The following RAB27B variants were observed in gnomAD, a reference collection of about 807,000 sequenced individuals.
The protein encoded by RAB27B is RAB27B, member RAS oncogene family.
Under a neutral mutation model 24.6 loss-of-function variants are expected in RAB27B, and 15 were observed. The observed-to-expected ratio is 0.61, with a 90% CI of 0.41 to 0.94. RAB27B has a LOEUF of 0.94. Ranked by LOEUF, RAB27B falls within the 40% of genes least tolerant of loss-of-function variation. The pLI is 0.00. For synonymous variants in RAB27B, 105 were observed against 92.5 expected, an observed-to-expected ratio of 1.14 and a Z score of -0.78; for missense variants, 261 against 266.8, an observed-to-expected ratio of 0.98 and a Z score of 0.15.
At chr18:54,810,622 G>A (rs1022281445) in intron 2 of RAB27B, among the ~76,000 whole-genome samples, 10 of 152,040 alleles carry the variant, frequency 6.6e-5, no homozygotes, top group African/African-American at 2.2e-4. Context: ...TTGAGATCAG[G>A]AGTTCAAGAC....
Position 54,846,678 on chromosome 18 carries a change from T to C in RAB27B, c.-20+17978T>C, listed in dbSNP as rs367738305. ...CCAAAAAAGAAGGCAATGAATATCA[T>C]AAGCTTTTCTTATAAGGCTAAAGCA... On this transcript the variant is annotated intron_variant, in intron 1 of 5. Transcript: ENST00000262094. Among the ~76,000 whole-genome samples, 22 of 152,344 alleles carry C rather than the reference T, an allele frequency of 1.4e-4. 1 individual carries two copies. The East Asian group carries it at 3.9e-3, about 27-fold the overall frequency.
chr18:54,834,528 C>T (rs529603624), intron 1 of RAB27B, among the ~76,000 whole-genome samples: 1 of 152,186 alleles, frequency 6.6e-6, no homozygotes, highest in South Asian at 2.1e-4. Flanking sequence ...TTGATGTTTA[C>T]TTCCTTCCTT....
chr18:54,805,202 G>C (rs904014206), intron 2 of RAB27B, among the ~76,000 whole-genome samples: 1 of 152,050 alleles, frequency 6.6e-6, no homozygotes, highest in East Asian at 1.9e-4. Flanking sequence ...AGCTCTGGTT[G>C]GCATCACAGA....
intron 2 of RAB27B, among the ~76,000 whole-genome samples, chr18:54,721,221 T>A (rs2144971320): frequency 6.6e-6 from 1 of 152,294 alleles, no homozygotes; most frequent in East Asian, 1.9e-4. Context: ...ATACGCAATG[T>A]GTTCATACAT....
intron 2 of RAB27B, among the ~76,000 whole-genome samples, chr18:54,732,995 AG>A (rs1262174286): frequency 6.6e-6 from 1 of 152,106 alleles, no homozygotes; most frequent in Non-Finnish European, 1.5e-5. Context: ...TCAACCAACT[AG>A]GTCTATATGT....
intron 1 of RAB27B, among the ~76,000 whole-genome samples, chr18:54,863,010 T>C (rs1912067280): frequency 6.6e-6 from 1 of 152,200 alleles, no homozygotes; most frequent in Non-Finnish European, 1.5e-5. Context: ...CAGCTAGTGA[T>C]TTTTGCAAAA....
chr18:54,883,681 G>A (rs954524809), intron 3 of RAB27B, among the ~76,000 whole-genome samples: 1 of 152,082 alleles, frequency 6.6e-6, no homozygotes, highest in Non-Finnish European at 1.5e-5. Context: ...CATTAGAAAT[G>A]AGAGTTCTTT....
chr18:54,718,869 A>G lies in RAB27B; in HGVS notation c.-20+728A>G, dbSNP rs374023275. Reference sequence around the variant, plus strand: ...GTGCTTTTTAAGAGCCTTGGTGCCAATTTTATGCATTCAAGGCTCTTTTAA... The same window carrying G: ...GTGCTTTTTAAGAGCCTTGGTGCCAGTTTTATGCATTCAAGGCTCTTTTAA... On this transcript the variant is annotated intron_variant, in intron 2 of 4. Transcript: ENST00000586570. Among the ~76,000 whole-genome samples, 77 of 152,250 alleles carry G rather than the reference A, an allele frequency of 5.1e-4. 2 individuals are homozygous for G. In the South Asian group the frequency reaches 0.016, roughly 31 times the overall value.
intron 1 of RAB27B, among the ~76,000 whole-genome samples, chr18:54,841,158 G>GA (rs1555662091): frequency 4.0e-5 from 3 of 75,044 alleles, no homozygotes; most frequent in African/African-American, 6.4e-5. Context: ...GGGTGGCGGG[G>GA]CGGTGGGGGG....
chr18:54,826,786 G>A (rs184837950), upstream of RAB27B, among the ~76,000 whole-genome samples: 244 of 152,228 alleles, frequency 1.6e-3, no homozygotes, highest in Non-Finnish European at 2.1e-3. Context: ...GATTTACTGC[G>A]ACTTTCTCAA....
chr18:54,784,581 T>G (rs765827588), intron 2 of RAB27B, among the ~76,000 whole-genome samples: 1 of 152,258 alleles, frequency 6.6e-6, no homozygotes, highest in East Asian at 1.9e-4. Flanking sequence ...TTTCTGTTCC[T>G]GTGTCAATTA....
intron 2 of RAB27B, among the ~76,000 whole-genome samples, chr18:54,820,654 C>T (rs1020638664): frequency 2.6e-5 from 4 of 152,058 alleles, no homozygotes; most frequent in African/African-American, 7.2e-5. Flanking sequence ...GCTTTTGTTG[C>T]CATTGCTTTT....
At chr18:54,802,363 C>T (rs369102160) in intron 2 of RAB27B, among the ~76,000 whole-genome samples, 12 of 151,334 alleles carry the variant, frequency 7.9e-5, no homozygotes, top group Admixed American at 7.9e-4. Context: ...GTTGCCATAG[C>T]TTTTCCACTG....
At chr18:54,816,686 T>C (rs1442129045) in intron 2 of RAB27B, among the ~76,000 whole-genome samples, 4 of 152,194 alleles carry the variant, frequency 2.6e-5, no homozygotes, top group African/African-American at 7.2e-5. Flanking sequence ...GTTAGGATCA[T>C]TAAGTGGAAG....
At chr18:54,854,566 A>G (rs781778703) in intron 1 of RAB27B, among the ~76,000 whole-genome samples, 1 of 151,646 alleles carries the variant, frequency 6.6e-6, no homozygotes, top group African/African-American at 2.4e-5. Context: ...AGATTAAAAA[A>G]ATAATTAAGT....
intron 2 of RAB27B, among the ~76,000 whole-genome samples, chr18:54,755,430 C>T (rs1049124698): frequency 6.6e-6 from 1 of 152,040 alleles, no homozygotes; most frequent in Non-Finnish European, 1.5e-5. Context: ...AAACTTTCAC[C>T]TGAAAAGGGT....
intron 2 of RAB27B, among the ~76,000 whole-genome samples, chr18:54,763,386 A>G (rs530762203): frequency 1.3e-5 from 2 of 152,312 alleles, no homozygotes; most frequent in Admixed American, 6.5e-5. Context: ...CCAAAACCAT[A>G]AATTGCTATA....
chr18:54,862,197 T>C (rs1912036651), intron 1 of RAB27B, among the ~76,000 whole-genome samples: 1 of 152,230 alleles, frequency 6.6e-6, no homozygotes, highest in African/African-American at 2.4e-5. Context: ...CAAACATTTA[T>C]ATAACATCTC....
chr18:54,877,412 C>T (rs745348963), intron 1 of RAB27B, among the ~76,000 whole-genome samples, 155 bp from the exon 2 acceptor site: 11 of 152,108 alleles, frequency 7.2e-5, no homozygotes, highest in Admixed American at 2.0e-4. Flanking sequence ...GTGCCTTCAC[C>T]CCTAAAGCTG....
Sources: allele counts gnomAD v4.1 joint callset (sites outside exome capture counted in the v4.1 genomes callset), GRCh38; gene constraint gnomAD v4.1.1; transcripts MANE v1.5; gene names NCBI Gene and HGNC (gene_info 2026-07-23, HGNC 2026-07-21).